FLG: variants seen among roughly 807,000 people sequenced by gnomAD.
The protein encoded by FLG is filaggrin.
A neutral mutation model predicts 3.8 loss-of-function variants in FLG; 6 were observed. That is an observed-to-expected ratio of 1.60 (90% confidence interval 0.87 to 3.15). The LOEUF (loss-of-function observed/expected upper bound fraction) is 3.15, where lower values mean the gene tolerates loss of function less well. Ranked by LOEUF, FLG falls within the 30% of genes most tolerant of loss-of-function variation. The pLI is 0.00. For synonymous variants in FLG, 2,551 were observed against 1,931.6 expected, an observed-to-expected ratio of 1.32 and a Z score of -8.41; for missense variants, 7,595 against 5,050.9, an observed-to-expected ratio of 1.50 and a Z score of -15.27.
Position 152,303,032 on chromosome 1 carries a change from T to G in FLG, c.11854A>C (p.Ser3952Arg). The G allele has an allele frequency of 1.2e-6, 2 of 1,614,196 alleles. No homozygotes were observed. Among genetic ancestry groups the G allele is most frequent in the East Asian group, 2.2e-5 (1 of 44,888 alleles). Residue 3952 changes from serine (S) to arginine (R), a missense_variant, in exon 3 of 3, where the codon AGT becomes CGT. Physicochemically the swap from Ser to Arg is moderately radical, Grantham distance 110 (BLOSUM62 -1). Transcript: ENST00000368799. ...SGIQSRGSPHSSSSYHYQSEG... is the reference protein window; with the variant it reads ...SGIQSRGSPHRSSSYHYQSEG... ...GATTGATAATGATAAGAACTAGAAC[T>G]GTGAGGACTGCCACGTGACTGTATT...
chr1:152,321,086 A>G (rs1652953694), intron 1 of FLG, among the ~76,000 whole-genome samples: 1 of 150,882 alleles, frequency 6.6e-6, no homozygotes, highest in African/African-American at 2.4e-5. Flanking sequence ...ATATACATAT[A>G]TACACTCACA....
rs373564521 is a variant in FLG at position 152,304,417 on chromosome 1, C to G, written c.10469G>C (p.Arg3490Pro). 14 of 1,610,082 alleles carry G rather than the reference C, an allele frequency of 8.7e-6. No homozygotes were observed. The African/African-American group carries it at 1.9e-4, about 22-fold the overall frequency. Residue 3490 changes from arginine to proline, a missense_variant, in exon 3 of 3, where the codon CGT (arginine) becomes CCT (proline). Arg to Pro is a moderately radical substitution (Grantham distance 103, BLOSUM62 -2). Coordinates refer to ENST00000368799, the MANE Select transcript of FLG (RefSeq NM_002016.2). The stretch of plus-strand genomic sequence containing the variant: ...GCCATCTCCTGATTGTTCGTCATTA[C>G]GAGTTTGTCTGCTGGCACTTCTGGA... ...SGSRSASRQT[R>P]NDEQSGDGSR...
rs754509484 is a variant in FLG at position 152,304,806 on chromosome 1, C to T, written c.10080G>A (p.Gln3360=). The change falls in exon 3 of 3, where the codon CAG becomes CAA. Residue 3360 remains glutamine, a synonymous_variant. Transcript: ENST00000368799. ...GGTGGCTCTGCTGATGGGGCCCAGCCTGTCCATGGCCTGACACTGACTGTG... is the reference window on the plus strand; with the variant it reads ...GGTGGCTCTGCTGATGGGGCCCAGCTTGTCCATGGCCTGACACTGACTGTG... ...SDTQSVSGHG[Q]AGPHQQSHQE... is the part of the protein sequence containing the mutation. The T allele has an allele frequency of 6.2e-7, 1 of 1,613,946 alleles. No homozygotes were observed. The highest frequency in any genetic ancestry group is 1.1e-5 in the South Asian group (1 of 91,020).
rs779180613 is a variant in FLG, at chr1:152,303,443, T to C, written c.11443A>G (p.Asn3815Asp). 6.2e-7 allele frequency: 1 copy of C among 1,613,584 alleles called. No homozygotes were observed. Among genetic ancestry groups the C allele is most frequent in the South Asian group, 1.1e-5 (1 of 91,018 alleles). Residue 3815 changes from asparagine to aspartate, a missense_variant, in exon 3 of 3, where the codon AAT becomes GAT. By Grantham distance (23) the Asn-to-Asp change is conservative. Transcript: ENST00000368799. ...GAGCCGTCTCCTGACTGTTCCTCATTACGTGTTTCTCTGCTTGCACTTCTG... is the reference window on the plus strand; with the variant it reads ...GAGCCGTCTCCTGACTGTTCCTCATCACGTGTTTCTCTGCTTGCACTTCTG... ...GSRSASRETR[N>D]EEQSGDGSRH...
At chr1:152,319,739 A>T (rs1439230981) in intron 1 of FLG, among the ~76,000 whole-genome samples, 4 of 151,494 alleles carry the variant, frequency 2.6e-5, no homozygotes, top group Admixed American at 2.6e-4. Flanking sequence ...ATATCCACCA[A>T]AAAGAAAACA....
Position 152,303,468 on chromosome 1 carries a change from G to T in FLG, c.11418C>A (p.Ser3806=). The change falls in exon 3 of 3, where the codon TCC becomes TCA. Residue 3806 remains serine (S), a synonymous_variant. Transcript: ENST00000368799. Reference sequence around the variant, plus strand: ...TACGTGTTTCTCTGCTTGCACTTCTGGATCCTGACTGCCCATGGGAGGCAT... The same window carrying T: ...TACGTGTTTCTCTGCTTGCACTTCTTGATCCTGACTGCCCATGGGAGGCAT... ...RSDASHGQSG[S]RSASRETRNE... 1.2e-6 allele frequency: 2 copies of T among 1,614,062 alleles called. No homozygotes were observed. Among genetic ancestry groups the T allele is most frequent in the Non-Finnish European group, 1.7e-6 (2 of 1,180,014 alleles).
chr1:152,305,905 A>T lies in FLG; in HGVS notation c.8981T>A (p.Ile2994Asn). Residue 2994 changes from isoleucine to asparagine, a missense_variant, in exon 3 of 3, where the codon ATT becomes AAT. Transcript: ENST00000368799. ...TGCAGATGAAGCTTGTCCGTGCCCA[A>T]TGCCTGAGTGTCTGGAGCTGTCTGC... Reference protein sequence around the residue: ...QSADSSRHSGIGHGQASSAVR... With the variant: ...QSADSSRHSGNGHGQASSAVR... 1 of 1,361,448 alleles carries T rather than the reference A, an allele frequency of 7.3e-7. No individual in the cohort carries two copies. Among genetic ancestry groups the T allele is most frequent in the Non-Finnish European group, 1.0e-6 (1 of 1,002,574 alleles). 84.3% of individuals were successfully genotyped at this position (1,361,448 alleles called of 1,614,324 possible).
Position 152,311,123 on chromosome 1 carries a change from C to T in FLG, c.3763G>A (p.Glu1255Lys), listed in dbSNP as rs1652386539. Residue 1255 changes from glutamate (E) to lysine (K), a missense_variant, in exon 3 of 3, where the codon GAA (glutamate) becomes AAA (lysine). Glu to Lys is a moderately conservative substitution (Grantham distance 56). Transcript: ENST00000368799. Reference sequence around the variant, plus strand: ...CTTGTCCTGGACCCCGATGATTGTTCCTGTCCCACCTGTGAGTGTCTAGAG... The same window carrying T: ...CTTGTCCTGGACCCCGATGATTGTTTCTGTCCCACCTGTGAGTGTCTAGAG... ...DSSRHSQVGQ[E>K]QSSGSRTSRH... The T allele has an allele frequency of 1.2e-6, 2 of 1,613,882 alleles. No homozygotes were observed. Among genetic ancestry groups the T allele is most frequent in the Non-Finnish European group, 1.7e-6 (2 of 1,179,972 alleles).
rs1651871122 is a variant in FLG at position 152,305,137 on chromosome 1, C to T, written c.9749G>A (p.Gly3250Asp). 3 of 1,613,928 alleles carry T rather than the reference C, an allele frequency of 1.9e-6. No individual in the cohort carries two copies. The African/African-American group carries it at 4.0e-5, about 22-fold the overall frequency. The part of the protein sequence containing the change: ...RGSVQEQSRH[G>D]SRHPRSHHED... ...GTGATGGGACCTGGGGTGTCTGGAG[C>T]CGTGCCTTGACTGCTCCTGAACAGA... The change falls in exon 3 of 3, where the codon GGC becomes GAC. Residue 3250 changes from glycine to aspartate, a missense_variant. Coordinates refer to ENST00000368799, the MANE Select transcript of FLG (RefSeq NM_002016.2).
At chr1:152,322,784 T>G (rs1302877050) in intron 1 of FLG, among the ~76,000 whole-genome samples, 1 of 151,428 alleles carries the variant, frequency 6.6e-6, no homozygotes, top group Non-Finnish European at 1.5e-5. Flanking sequence ...CTAAATAGCA[T>G]TAAGATATCA....
In FLG at chr1:152,307,985, G is replaced by A. The variant is rs747053479; in HGVS notation, c.6901C>T (p.Gln2301Ter). The change falls in exon 3 of 3, where the codon CAA becomes TAA. Residue 2301 changes from glutamine to a stop codon, truncating the protein, a stop_gained. Coordinates refer to ENST00000368799, the MANE Select transcript of FLG (RefSeq NM_002016.2). LOFTEE classifies it low-confidence loss of function (END_TRUNC). ...GHGHSAESSR[Q>*]SGTHHAENSS... ...TTCTCTGCATGATGAGTGCCTGATT[G>A]TCTGGAGCTCTCTGCAGAGTGCCCA... 8.7e-6 allele frequency: 14 copies of A among 1,614,046 alleles called. No individual in the cohort carries two copies. The highest frequency in any genetic ancestry group is 5.3e-5 in the African/African-American group (4 of 74,892).
Position 152,303,438 on chromosome 1 carries a change from C to A in FLG, c.11448G>T (p.Glu3816Asp), listed in dbSNP as rs1557869943. 1 of 1,613,638 alleles carries A rather than the reference C, an allele frequency of 6.2e-7. No homozygotes were observed. The highest frequency in any genetic ancestry group is 1.7e-5 in the Admixed American group (1 of 59,976). ...SRSASRETRN[E>D]EQSGDGSRHS... ...GCCTGGAGCCGTCTCCTGACTGTTC[C>A]TCATTACGTGTTTCTCTGCTTGCAC... The change falls in exon 3 of 3, where the codon GAG (glutamate) becomes GAT (aspartate). Residue 3816 changes from glutamate to aspartate, a missense_variant. Physicochemically the swap from Glu to Asp is conservative, Grantham distance 45 (BLOSUM62 2). Transcript: ENST00000368799.
At chr1:152,319,629 T>C (rs1160220534) in intron 1 of FLG, among the ~76,000 whole-genome samples, 2 of 151,520 alleles carry the variant, frequency 1.3e-5, no homozygotes, top group African/African-American at 4.8e-5. Flanking sequence ...GACAATAAGA[T>C]TGATACTTGT....
In FLG at chr1:152,309,199, C is replaced by T. The variant is rs1652210547; in HGVS notation, c.5687G>A (p.Arg1896Lys). The T allele has an allele frequency of 1.2e-6, 2 of 1,613,764 alleles. No individual in the cohort carries two copies. The highest frequency in any genetic ancestry group is 1.7e-6 in the Non-Finnish European group (2 of 1,179,954). Residue 1896 changes from arginine (R) to lysine (K), a missense_variant, in exon 3 of 3, where the codon AGA becomes AAA. Transcript: ENST00000368799. ...TTGTCCCTGGCCCACCTGCGAGTGT[C>T]TAGAGCTGTCGGCCCGAGAGGAAGC... ...HEASSRADSSRHSQVGQGQSS... is the reference protein window; with the variant it reads ...HEASSRADSSKHSQVGQGQSS...
At position 152,308,956 on chromosome 1, in the gene FLG, G is replaced by A. The variant is rs140980397; in HGVS notation, c.5930C>T (p.Ser1977Leu). Residue 1977 changes from serine to leucine, a missense_variant, in exon 3 of 3, where the codon TCA becomes TTA. By Grantham distance (145) the Ser-to-Leu change is moderately radical (BLOSUM62 -2). Transcript: ENST00000368799. Reference sequence around the variant, plus strand: ...GGAAGACTCTGTGTGACGAGTGCCTGATTGTCTGGAGCTGTCTGCAGAGTG... The same window carrying A: ...GGAAGACTCTGTGTGACGAGTGCCTAATTGTCTGGAGCTGTCTGCAGAGTG... The part of the protein sequence containing the change: ...HGHSADSSRQ[S>L]GTRHTESSSR... The A allele has an allele frequency of 2.5e-5, 41 of 1,614,064 alleles. No individual in the cohort carries two copies. The South Asian group carries it at 3.6e-4, about 14-fold the overall frequency.
chr1:152,309,693 T>G lies in FLG; in HGVS notation c.5193A>C (p.Thr1731=), dbSNP rs201298276. The change falls in exon 3 of 3, where the codon ACA becomes ACC. Residue 1731 remains threonine (T), a synonymous_variant. Coordinates refer to ENST00000368799, the MANE Select transcript of FLG (RefSeq NM_002016.2). ...CCTGTCCGTGGGCTGACACTGACTG[T>G]GTGTCTGACTCTTCTGAGTGTCCCT... is the stretch of plus-strand genomic sequence containing the variant. ...DSEGHSEESD[T]QSVSAHGQAG... The G allele has an allele frequency of 5.0e-6, 8 of 1,613,790 alleles. No individual in the cohort carries two copies. The South Asian group carries it at 7.7e-5, about 16-fold the overall frequency.
Position 152,305,858 on chromosome 1 carries a change from C to T in FLG, c.9028G>A (p.Gly3010Arg). 8.9e-7 allele frequency: 1 copy of T among 1,117,812 alleles called. No individual in the cohort carries two copies. The highest frequency in any genetic ancestry group is 1.4e-5 in the South Asian group (1 of 70,626). 69.2% of individuals were successfully genotyped at this position (1,117,812 alleles called of 1,614,324 possible). ...SSAVRDSGHR[G>R]YSGSQASDNE... Reference sequence around the variant, plus strand: ...TCACTGGCCTGACTACCACTGTACCCTCGGTGTCCACTGTCTCTGACTGCA... The same window carrying T: ...TCACTGGCCTGACTACCACTGTACCTTCGGTGTCCACTGTCTCTGACTGCA... Residue 3010 changes from glycine (G) to arginine (R), a missense_variant, in exon 3 of 3, where the codon GGG (glycine) becomes AGG (arginine). Gly to Arg is a moderately radical substitution (Grantham distance 125). Transcript: ENST00000368799.
Position 152,302,945 on chromosome 1 carries a change from T to C in FLG, c.11941A>G (p.Ser3981Gly), listed in dbSNP as rs201092922. ...GLVWRHGSYGSADYDYGESGF... is the reference protein window; with the variant it reads ...GLVWRHGSYGGADYDYGESGF... Reference sequence around the variant, plus strand: ...GATTCACCATAATCATAATCTGCACTACCATAGCTGCCATGTCTCCAAACT... The same window carrying C: ...GATTCACCATAATCATAATCTGCACCACCATAGCTGCCATGTCTCCAAACT... Residue 3981 changes from serine to glycine, a missense_variant, in exon 3 of 3, where the codon AGT becomes GGT. Transcript: ENST00000368799. 2.1e-4 allele frequency: 333 copies of C among 1,614,192 alleles called. No homozygotes were observed. The highest frequency in any genetic ancestry group is 2.8e-4 in the Admixed American group (17 of 60,024).
At position 152,309,942 on chromosome 1, in the gene FLG, C is replaced by T. The variant is rs533186028; in HGVS notation, c.4944G>A (p.Glu1648=). 18 of 1,614,034 alleles carry T rather than the reference C, an allele frequency of 1.1e-5. No homozygotes were observed. The highest frequency in any genetic ancestry group is 1.4e-5 in the Non-Finnish European group (17 of 1,180,008). Residue 1648 remains glutamate, a synonymous_variant, in exon 3 of 3, where the codon GAG becomes GAA. Coordinates refer to ENST00000368799, the MANE Select transcript of FLG (RefSeq NM_002016.2). ...EDRASHGHSA[E]SSRQSGTRHA... ...GACGAGTGCCTGATTGTCTGGAGCT[C>T]TCTGCAGAGTGCCCATGACTGGCTC...
Sources: allele counts gnomAD v4.1 joint callset (sites outside exome capture counted in the v4.1 genomes callset), GRCh38; gene constraint gnomAD v4.1.1; transcripts MANE v1.5; gene names NCBI Gene and HGNC (gene_info 2026-07-23, HGNC 2026-07-21).